SV2C: variants seen among roughly 807,000 people sequenced by gnomAD.
SV2C encodes synaptic vesicle glycoprotein 2C.
In SV2C, 49 loss-of-function variants were observed where a neutral mutation model predicts 79.7. The observed-to-expected ratio is 0.61, with a 90% CI of 0.49 to 0.78. The LOEUF is 0.78. Ranked by LOEUF, SV2C falls within the 30% of genes least tolerant of loss-of-function variation. The pLI is 0.00. For missense variants in SV2C, 833 were observed against 912.9 expected (o/e 0.91, Z 1.13); for synonymous variants, 334 against 333.2 (o/e 1.00, Z -0.03).
chr5:75,861,402 A>G, the SV2C span, among the ~76,000 whole-genome samples: 2 of 152,366 alleles, frequency 1.3e-5, no homozygotes, highest in South Asian at 4.1e-4. Context: ...GCCACTGTGA[A>G]AAGCAGTTTG....
At chr5:76,335,111 C>A (rs577724855), downstream of SV2C, among the ~76,000 whole-genome samples, 1 of 152,310 alleles carries the variant, frequency 6.6e-6, no homozygotes, top group South Asian at 2.1e-4. Context: ...CAGAGGCTAC[C>A]ATATTGAACA....
At chr5:76,078,107 G>A in the SV2C span, among the ~76,000 whole-genome samples, 2 of 152,178 alleles carry the variant, frequency 1.3e-5, no homozygotes, top group Non-Finnish European at 2.9e-5. Flanking sequence ...GATGAAAGGA[G>A]ATTTATAGCA....
At chr5:76,173,697 G>T (rs376375896) in intron 2 of SV2C, 6 of 1,613,572 alleles carry the variant, frequency 3.7e-6, no homozygotes, top group South Asian at 2.2e-5. Flanking sequence ...TTAATTTGCC[G>T]CACTAGGTCA....
chr5:76,086,269 TGAC>T (rs781567417), intron 1 of SV2C, among the ~76,000 whole-genome samples: 1 of 152,228 alleles, frequency 6.6e-6, no homozygotes, highest in Non-Finnish European at 1.5e-5. Flanking sequence ...ATATATCACG[TGAC>T]GACAAGTACC....
the SV2C span, among the ~76,000 whole-genome samples, chr5:75,896,496 C>T: frequency 6.6e-6 from 1 of 151,676 alleles, no homozygotes; most frequent in East Asian, 1.9e-4. Flanking sequence ...CAAGTCTTTG[C>T]TATTGTGAAT....
rs1442367177 is a variant in SV2C at position 76,333,105 on chromosome 5, T to C, written c.*7558T>C. 3 of 152,210 alleles carry C rather than the reference T, an allele frequency of 2.0e-5. No individual in the cohort carries two copies. The highest frequency in any genetic ancestry group is 4.4e-5 in the Non-Finnish European group (3 of 68,032). The allele number at this position is 152,210 out of a possible 1,614,324, so 9.4% of individuals were successfully genotyped here. A position where few individuals can be genotyped will look rare whatever the true frequency, so the allele number is the denominator to read the frequency against. On this transcript the variant is annotated 3_prime_UTR_variant, in exon 13 of 13. Coordinates refer to ENST00000502798, the MANE Select transcript of SV2C (RefSeq NM_014979.4). ...TTGAAGTTGCAAAGTGTCTCCCCTCTTGCGCCCACGTAGTCATCCAAGAAG... is the reference window on the plus strand; with the variant it reads ...TTGAAGTTGCAAAGTGTCTCCCCTCCTGCGCCCACGTAGTCATCCAAGAAG...
chr5:75,862,619 T>A, the SV2C span, among the ~76,000 whole-genome samples: 1 of 152,166 alleles, frequency 6.6e-6, no homozygotes, highest in Non-Finnish European at 1.5e-5. Context: ...AAAAATCTCT[T>A]GCTGTGGCAA....
At position 76,332,792 on chromosome 5, in the gene SV2C, A is replaced by C. The variant is rs2112577963; in HGVS notation, c.*7245A>C. 1 of 152,290 alleles carries C rather than the reference A, an allele frequency of 6.6e-6. No individual in the cohort carries two copies. The highest frequency in any genetic ancestry group is 1.9e-4 in the East Asian group (1 of 5,180). The allele number at this position is 152,290 out of a possible 1,614,324, so 9.4% of individuals were successfully genotyped here. On this transcript the variant is annotated 3_prime_UTR_variant, in exon 13 of 13. Coordinates refer to ENST00000502798, the MANE Select transcript of SV2C (RefSeq NM_014979.4). ...GTTGTTAAACATTTGCCAGCATACC[A>C]CCATCTAAAGCCCTAAAGAATGCTT...
chr5:76,049,983 A>G, the SV2C span, among the ~76,000 whole-genome samples: 2 of 152,214 alleles, frequency 1.3e-5, no homozygotes, highest in Non-Finnish European at 1.5e-5. Context: ...TAGTTCCACT[A>G]CTTATTAATT....
chr5:75,934,366 A>T, the SV2C span, among the ~76,000 whole-genome samples: 4 of 133,184 alleles, frequency 3.0e-5, no homozygotes, highest in Non-Finnish European at 4.6e-5. Context: ...GGCTCCCTGC[A>T]ACCTCTGCCT....
intron 4 of SV2C, among the ~76,000 whole-genome samples, chr5:76,219,769 G>T (rs535528026): frequency 6.6e-6 from 1 of 152,274 alleles, no homozygotes; most frequent in East Asian, 1.9e-4. Context: ...ACATTCTCAC[G>T]CTGACCTTTG....
chr5:76,330,628 C>G lies in SV2C; in HGVS notation c.*5081C>G, dbSNP rs1749151666. 1 of 149,600 alleles carries G rather than the reference C, an allele frequency of 6.7e-6. No individual in the cohort carries two copies. The highest frequency in any genetic ancestry group is 2.5e-5 in the African/African-American group (1 of 40,634). The allele number at this position is 149,600 out of a possible 1,614,324, so 9.3% of individuals were successfully genotyped here. A position where few individuals can be genotyped will look rare whatever the true frequency, so the allele number is the denominator to read the frequency against. ...AAATAATAGCCTTCAGCAGGCAGTG[C>G]AGGAACTATTCAGTCATTGAGATAA... On this transcript the variant is annotated 3_prime_UTR_variant, in exon 13 of 13. Coordinates refer to ENST00000502798, the MANE Select transcript of SV2C (RefSeq NM_014979.4).
the SV2C span, among the ~76,000 whole-genome samples, chr5:76,049,167 T>C: frequency 6.6e-6 from 1 of 151,572 alleles, no homozygotes; most frequent in Non-Finnish European, 1.5e-5. Context: ...GAAACACCCG[T>C]TCTACTAAAA....
At chr5:76,339,630 C>A (rs192345701) in intron 12 of SV2C, among the ~76,000 whole-genome samples, 19 of 150,736 alleles carry the variant, frequency 1.3e-4, no homozygotes, top group Admixed American at 6.6e-4. Context: ...AGGAGAATGG[C>A]GTGAACCTGG....
the SV2C span, chr5:75,920,654 G>GGGGGGGGGGT: frequency 5.0e-6 from 3 of 596,660 alleles, no homozygotes; most frequent in Non-Finnish European, 6.1e-6. Context: ...GGGTGGGTGG[G>GGGGGGGGGGT]AGGAACTGCC....
chr5:75,944,766 T>C, the SV2C span, among the ~76,000 whole-genome samples: 2 of 151,810 alleles, frequency 1.3e-5, no homozygotes, highest in African/African-American at 4.8e-5. Flanking sequence ...TTCCGGAGAG[T>C]GTGGCAGGAG....
At chr5:75,995,016 G>A in the SV2C span, among the ~76,000 whole-genome samples, 1 of 152,156 alleles carries the variant, frequency 6.6e-6, no homozygotes, top group South Asian at 2.1e-4. Flanking sequence ...GAGCTCCCAT[G>A]TCTGAGGGCA....
chr5:75,941,818 C>A, the SV2C span, among the ~76,000 whole-genome samples: 1 of 152,160 alleles, frequency 6.6e-6, no homozygotes. Context: ...TGGAGCTGGA[C>A]ATAAATAAAT....
chr5:76,041,359 T>G, the SV2C span, among the ~76,000 whole-genome samples: 2 of 152,124 alleles, frequency 1.3e-5, no homozygotes, highest in Non-Finnish European at 2.9e-5. Context: ...CATGCACATG[T>G]GTGTGAACAT....
Sources: allele counts gnomAD v4.1 joint callset (sites outside exome capture counted in the v4.1 genomes callset), GRCh38; gene constraint gnomAD v4.1.1; transcripts MANE v1.5; gene names NCBI Gene and HGNC (gene_info 2026-07-23, HGNC 2026-07-21).